Variants in TRAPPC9 observed in about 807,000 individuals in gnomAD.
TRAPPC9 encodes the protein IKK2 binding protein.
A neutral mutation model predicts 124.0 loss-of-function variants in TRAPPC9; 83 were observed. The ratio of observed to expected loss-of-function variants is 0.67; its 90% CI spans 0.56 to 0.80. The LOEUF (loss-of-function observed/expected upper bound fraction) is 0.80. TRAPPC9 is among the 30% of genes least tolerant of loss of function. The probability of loss-of-function intolerance (pLI) is 0.00; values close to 1 mark genes in which losing one functional copy is unlikely to be tolerated. For synonymous variants in TRAPPC9, 638 were observed against 617.5 expected (o/e 1.03, Z -0.49); for missense variants, 1,302 against 1,508.3 (o/e 0.86, Z 2.27).
intron 9 of TRAPPC9, among the ~76,000 whole-genome samples, chr8:140,327,370 T>C (rs6986514): frequency 0.53 from 81,198 of 152,032 alleles, 21,733 homozygotes; most frequent in East Asian, 0.65. Context: ...AAGTTAAGCA[T>C]AGAATTACCA....
intron 9 of TRAPPC9, among the ~76,000 whole-genome samples, chr8:140,347,412 A>T (rs917830070): frequency 6.6e-6 from 1 of 152,224 alleles, no homozygotes; most frequent in African/African-American, 2.4e-5. Flanking sequence ...ATGTATGGAC[A>T]TGTGCACTGA....
At chr8:140,376,854 C>A (rs963968482) in intron 7 of TRAPPC9, among the ~76,000 whole-genome samples, 1 of 127,004 alleles carries the variant, frequency 7.9e-6, no homozygotes, top group Admixed American at 9.1e-5. Flanking sequence ...TTCAGCACAA[C>A]AAGAGCGAGG....
At chr8:139,771,517 G>A (rs1252733164) in intron 21 of TRAPPC9, among the ~76,000 whole-genome samples, 1 of 152,132 alleles carries the variant, frequency 6.6e-6, no homozygotes, top group Non-Finnish European at 1.5e-5. Context: ...TAGGGGCCTT[G>A]GGGTAGGTTT....
intron 19 of TRAPPC9, among the ~76,000 whole-genome samples, chr8:139,953,257 C>T (rs1381466961): frequency 1.3e-5 from 2 of 152,274 alleles, no homozygotes; most frequent in East Asian, 3.9e-4. Flanking sequence ...TTTGGGAGGC[C>T]GAGGCAGGTG....
intron 17 of TRAPPC9, among the ~76,000 whole-genome samples, chr8:140,186,376 G>A (rs2131048238): frequency 6.6e-6 from 1 of 152,214 alleles, no homozygotes; most frequent in South Asian, 2.1e-4. Context: ...CTGAGGTCAG[G>A]AGTTTGAGAC....
At chr8:139,752,943 A>G (rs1292694240) in intron 21 of TRAPPC9, among the ~76,000 whole-genome samples, 3 of 147,548 alleles carry the variant, frequency 2.0e-5, no homozygotes, top group African/African-American at 7.7e-5. Context: ...GCATCCACCC[A>G]TCTACCATCC....
chr8:140,435,209 G>A lies in TRAPPC9; in HGVS notation c.762C>T (p.Val254=). The change falls in exon 4 of 23, where the codon GTC becomes GTT. Residue 254 remains valine, a synonymous_variant. Transcript: ENST00000438773. The part of the protein sequence containing the change: ...AALEGLCSAS[V]IYHYPGGTGG... The stretch of plus-strand genomic sequence containing the variant: ...CAGTTCCACCAGGATAGTGATAGAT[G>A]ACAGAAGCTGAACACAATCCTTCCA... 6.2e-7 allele frequency: 1 copy of A among 1,613,960 alleles called. No individual in the cohort carries two copies. The highest frequency in any genetic ancestry group is 1.7e-5 in the Admixed American group (1 of 60,000).
chr8:139,914,944 A>G (rs1206677587), intron 19 of TRAPPC9: 1 of 152,218 alleles, frequency 6.6e-6, no homozygotes, highest in African/African-American at 2.4e-5. Flanking sequence ...ATATTCATGC[A>G]ATTCCCCATC....
chr8:139,827,195 G>C (rs557932310), intron 21 of TRAPPC9, among the ~76,000 whole-genome samples: 1 of 152,228 alleles, frequency 6.6e-6, no homozygotes, highest in African/African-American at 2.4e-5. Context: ...AGCAGGTCTC[G>C]GCCTGGAGCA....
chr8:139,895,635 G>A (rs1830621342), intron 20 of TRAPPC9, among the ~76,000 whole-genome samples: 1 of 152,152 alleles, frequency 6.6e-6, no homozygotes, highest in African/African-American at 2.4e-5. Context: ...AATGTTGAGA[G>A]TTCACTATGG....
At chr8:140,325,509 T>C (rs890813434) in intron 9 of TRAPPC9, among the ~76,000 whole-genome samples, 1 of 152,190 alleles carries the variant, frequency 6.6e-6, no homozygotes, top group Non-Finnish European at 1.5e-5. Context: ...ACCATATGCC[T>C]ATACATTTGA....
chr8:139,935,023 G>A (rs144255658), intron 19 of TRAPPC9, among the ~76,000 whole-genome samples: 2,038 of 152,246 alleles, frequency 0.013, 19 homozygotes, highest in Non-Finnish European at 0.02. Context: ...AGAAGACAGA[G>A]GACCACAGGT....
At chr8:139,895,406 T>C (rs1830604914) in intron 20 of TRAPPC9, among the ~76,000 whole-genome samples, 1 of 152,042 alleles carries the variant, frequency 6.6e-6, no homozygotes, top group South Asian at 2.1e-4. Flanking sequence ...GTAAAAAGGG[T>C]GTTTGCATGT....
intron 16 of TRAPPC9, 68 bp from the exon 17 acceptor site, chr8:140,221,651 T>G (rs2131322278): frequency 1.3e-6 from 2 of 1,551,578 alleles, no homozygotes; most frequent in Middle Eastern, 3.5e-4. Flanking sequence ...GTTGTTGTTG[T>G]TGTTTGGGAC....
intron 2 of TRAPPC9, among the ~76,000 whole-genome samples, chr8:140,446,524 C>CA (rs1345236862): frequency 6.6e-6 from 1 of 152,062 alleles, no homozygotes; most frequent in Non-Finnish European, 1.5e-5. Context: ...CTTGAGCCCT[C>CA]ATAAGGGGCG....
At chr8:139,949,606 C>T (rs550565688) in intron 19 of TRAPPC9, among the ~76,000 whole-genome samples, 1 of 152,210 alleles carries the variant, frequency 6.6e-6, no homozygotes, top group Non-Finnish European at 1.5e-5. Flanking sequence ...CATGAATAGA[C>T]CCTGATTACA....
chr8:139,731,115 G>A lies in TRAPPC9; in HGVS notation c.3393C>T (p.Pro1131=), dbSNP rs1306373976. ...GCACACTGGGCAGGCAGAACCAAGA[G>A]GGTGGCAGCTCCTTGCTGGTGCTGT... is the stretch of plus-strand genomic sequence containing the variant. ...HEDSTSKELP[P]SWFCLPSVHV... is the part of the protein sequence containing the mutation. The change falls in exon 23 of 23, where the codon CCC becomes CCT. Residue 1131 remains proline (P), a synonymous_variant. Coordinates refer to ENST00000438773, the MANE Select transcript of TRAPPC9 (RefSeq NM_001160372.4). The A allele has an allele frequency of 1.2e-6, 2 of 1,613,940 alleles. No homozygotes were observed. Among genetic ancestry groups the A allele is most frequent in the Non-Finnish European group, 8.5e-7 (1 of 1,180,028 alleles).
At chr8:140,202,255 A>T (rs964367584) in intron 17 of TRAPPC9, among the ~76,000 whole-genome samples, 6 of 152,246 alleles carry the variant, frequency 3.9e-5, no homozygotes, top group African/African-American at 1.2e-4. Context: ...CTCTTTGGCC[A>T]AATTATGACA....
chr8:139,781,724 G>A (rs960723340), intron 21 of TRAPPC9, among the ~76,000 whole-genome samples: 1 of 152,162 alleles, frequency 6.6e-6, no homozygotes, highest in Non-Finnish European at 1.5e-5. Flanking sequence ...GTTTGTGTGT[G>A]TGCCTGTGTG....
Sources: allele counts gnomAD v4.1 joint callset (sites outside exome capture counted in the v4.1 genomes callset), GRCh38; gene constraint gnomAD v4.1.1; transcripts MANE v1.5; gene names NCBI Gene and HGNC (gene_info 2026-07-23, HGNC 2026-07-21).